The following OSGIN2 variants were observed in gnomAD, a reference collection of about 807,000 sequenced individuals.
OSGIN2 encodes oxidative stress-induced growth inhibitor 2.
A neutral mutation model predicts 53.8 loss-of-function variants in OSGIN2; 19 were observed. That is an observed-to-expected ratio of 0.35 (90% CI 0.25 to 0.52). OSGIN2 has a LOEUF of 0.52. Among genes scored for constraint, OSGIN2 ranks in the 20% least tolerant of loss-of-function variants. The pLI, the probability that OSGIN2 is intolerant of heterozygous loss-of-function variation, is 0.95. For synonymous variants in OSGIN2, 236 were observed against 236.0 expected, an observed-to-expected ratio of 1.00 and a Z score of 0.00; for missense variants, 520 against 662.7, an observed-to-expected ratio of 0.78 and a Z score of 2.36.
intron 2 of OSGIN2, among the ~76,000 whole-genome samples, chr8:89,912,472 TTGGTTGGGCG>T (rs1220123378): frequency 6.6e-6 from 1 of 152,130 alleles, no homozygotes; most frequent in Admixed American, 6.5e-5. Context: ...AAACTCCTGA[TTGGTTGGGCG>T]TGATGGCTCA....
At chr8:89,905,817 A>G (rs1316449565) in intron 1 of OSGIN2, among the ~76,000 whole-genome samples, 1 of 152,240 alleles carries the variant, frequency 6.6e-6, no homozygotes, top group East Asian at 1.9e-4. Flanking sequence ...AAACTACTAG[A>G]CCTAATATAT....
intron 4 of OSGIN2, among the ~76,000 whole-genome samples, chr8:89,920,295 T>TATA (rs150859631): frequency 7.9e-5 from 12 of 151,870 alleles, no homozygotes; most frequent in East Asian, 3.8e-4. Flanking sequence ...GAAAGTCAGT[T>TATA]ATAATAATAA....
chr8:89,907,260 T>G (rs1330750502), intron 1 of OSGIN2, among the ~76,000 whole-genome samples: 2 of 149,124 alleles, frequency 1.3e-5, no homozygotes, highest in East Asian at 2.0e-4. Flanking sequence ...GCTCGTTAGT[T>G]TAATTAGATA....
At chr8:89,912,712 C>CTCCA (rs922257220) in intron 2 of OSGIN2, among the ~76,000 whole-genome samples, 20 of 151,784 alleles carry the variant, frequency 1.3e-4, no homozygotes, top group Admixed American at 6.6e-4. Context: ...TGCCACTGCA[C>CTCCA]TCCAGCCTGG....
chr8:89,907,306 G>A (rs1563463640), intron 1 of OSGIN2, among the ~76,000 whole-genome samples: 1 of 151,338 alleles, frequency 6.6e-6, no homozygotes, highest in Non-Finnish European at 1.5e-5. Context: ...TGTTGCAATT[G>A]CCTTTGGCGT....
chr8:89,921,778 T>G (rs1168397238), intron 5 of OSGIN2, among the ~76,000 whole-genome samples: 3 of 152,158 alleles, frequency 2.0e-5, no homozygotes, highest in African/African-American at 7.2e-5. Context: ...GGTCAGGCGT[T>G]TGAGGCCAGC....
chr8:89,920,884 G>A (rs563517618), intron 4 of OSGIN2, among the ~76,000 whole-genome samples, 196 bp from the exon 5 acceptor site: 1 of 152,308 alleles, frequency 6.6e-6, no homozygotes, highest in East Asian at 1.9e-4. Context: ...ATAATATCAA[G>A]TGATGAAGGT....
chr8:89,902,953 C>T, intron 1 of OSGIN2, 116 bp downstream of exon 1: 1 of 604,150 alleles, frequency 1.7e-6, no homozygotes, highest in Non-Finnish European at 2.4e-6. Flanking sequence ...CCGCAGCGTC[C>T]TCCCGCCTCG....
chr8:89,918,901 C>G (rs886134209), intron 4 of OSGIN2, among the ~76,000 whole-genome samples: 2 of 152,098 alleles, frequency 1.3e-5, no homozygotes, highest in African/African-American at 2.4e-5. Flanking sequence ...TATTGGTCAC[C>G]GCTGTCTTTC....
rs143689323 is a variant in OSGIN2 at position 89,920,616 on chromosome 8, G to A, written c.529-464G>A. ...GATTTTAGAATTATAATTGATGGAG[G>A]AGGGAAAAGCTTCTTTGTTGCTAAT... On this transcript the variant is annotated intron_variant, in intron 4 of 5. Coordinates refer to ENST00000451899, the MANE Select transcript of OSGIN2 (RefSeq NM_001126111.3). 1.0e-3 allele frequency among the ~76,000 whole-genome samples: 154 copies of A among 152,260 alleles called. 1 individual carries two copies. The East Asian group carries it at 0.026, about 26-fold the overall frequency.
At chr8:89,905,677 G>A (rs1364146740) in intron 1 of OSGIN2, among the ~76,000 whole-genome samples, 1 of 152,190 alleles carries the variant, frequency 6.6e-6, no homozygotes, top group Admixed American at 6.5e-5. Context: ...TTATCACAGA[G>A]TTTATACCAG....
At position 89,924,643 on chromosome 8, in the gene OSGIN2, A is replaced by G. The variant is rs1809276701; in HGVS notation, c.761A>G (p.Asp254Gly). 1.2e-6 allele frequency: 2 copies of G among 1,614,118 alleles called. No individual in the cohort carries two copies. Among genetic ancestry groups the G allele is most frequent in the Non-Finnish European group, 1.7e-6 (2 of 1,179,936 alleles). ...SVSRLYRDQD[D>G]DDIQDRDIST... ...TCAAGACTCTACAGAGATCAAGATG[A>G]TGATGATATTCAAGACAGAGATATT... The change falls in exon 6 of 6, where the codon GAT (aspartate) becomes GGT (glycine). Residue 254 changes from aspartate (D) to glycine (G), a missense_variant. This residue lies in a region of OSGIN2 where 78 missense variants were observed against 59.1 expected (regional missense o/e 1.32). Transcript: ENST00000451899.
At chr8:89,912,482 G>A (rs185337995) in intron 2 of OSGIN2, among the ~76,000 whole-genome samples, 164 of 152,212 alleles carry the variant, frequency 1.1e-3, no homozygotes, top group South Asian at 5.0e-3. Context: ...TTGGTTGGGC[G>A]TGATGGCTCA....
chr8:89,907,911 A>G (rs753189108), intron 1 of OSGIN2, among the ~76,000 whole-genome samples: 2 of 152,166 alleles, frequency 1.3e-5, no homozygotes, highest in Non-Finnish European at 2.9e-5. Flanking sequence ...TGAATATGGA[A>G]TGTTTTCCCA....
intron 2 of OSGIN2, among the ~76,000 whole-genome samples, chr8:89,912,743 T>TG: frequency 6.7e-6 from 1 of 148,480 alleles, no homozygotes; most frequent in Non-Finnish European, 1.5e-5. Context: ...AGACTCTGTC[T>TG]GAAAAAAAAA....
chr8:89,906,074 CT>C (rs1426336671), intron 1 of OSGIN2, among the ~76,000 whole-genome samples: 1 of 152,118 alleles, frequency 6.6e-6, no homozygotes, highest in Non-Finnish European at 1.5e-5. Context: ...GATTGAAAAA[CT>C]TAATATTCTG....
At chr8:89,923,293 T>C (rs1258618384) in intron 5 of OSGIN2, among the ~76,000 whole-genome samples, 1 of 152,230 alleles carries the variant, frequency 6.6e-6, no homozygotes, top group Admixed American at 6.5e-5. Context: ...TTGTATATGC[T>C]ATCCTTTGTT....
intron 4 of OSGIN2, among the ~76,000 whole-genome samples, chr8:89,916,711 A>G (rs1355391014): frequency 6.6e-6 from 1 of 152,006 alleles, no homozygotes; most frequent in Non-Finnish European, 1.5e-5. Context: ...GGCCCCTTGA[A>G]CCAATTTTGT....
chr8:89,907,912 T>C (rs1808873732), intron 1 of OSGIN2, among the ~76,000 whole-genome samples: 1 of 152,202 alleles, frequency 6.6e-6, no homozygotes. Flanking sequence ...GAATATGGAA[T>C]GTTTTCCCAT....
Sources: gnomAD v4.1 joint callset for allele counts (sites outside exome capture counted in the v4.1 genomes callset) on GRCh38, gnomAD v4.1.1 for gene constraint, gnomAD v4.1.1 regional missense constraint, MANE v1.5 for transcripts, NCBI Gene and HGNC (gene_info 2026-07-23, HGNC 2026-07-21) for gene names.